Variants in ITSN2 observed in about 807,000 individuals in gnomAD.
ITSN2 encodes the protein intersectin-2.
A neutral mutation model predicts 243.7 loss-of-function variants in ITSN2; 156 were observed. The ratio of observed to expected loss-of-function variants is 0.64; its 90% CI spans 0.56 to 0.73. The LOEUF is 0.73. Among genes scored for constraint, ITSN2 ranks in the 30% least tolerant of loss-of-function variants. The pLI, the probability that ITSN2 is intolerant of heterozygous loss-of-function variation, is 0.00. For missense variants in ITSN2, 1,801 were observed against 1,996.1 expected, an observed-to-expected ratio of 0.90 and a Z score of 1.86; for synonymous variants, 703 against 699.9, an observed-to-expected ratio of 1.00 and a Z score of -0.07.
At chr2:24,297,380 C>T (rs1681103784) in intron 13 of ITSN2, among the ~76,000 whole-genome samples, 1 of 152,074 alleles carries the variant, frequency 6.6e-6, no homozygotes, top group African/African-American at 2.4e-5. Flanking sequence ...TACCTTCTCA[C>T]CACACATTTC....
chr2:24,206,182 C>A (rs1031633205), intron 37 of ITSN2: 2 of 365,858 alleles, frequency 5.5e-6, no homozygotes, highest in Non-Finnish European at 1.1e-5. Context: ...GATTTTTCAA[C>A]AGCAAGCTTT....
chr2:24,335,763 C>A (rs886276065), intron 1 of ITSN2, among the ~76,000 whole-genome samples: 1 of 151,856 alleles, frequency 6.6e-6, no homozygotes, highest in African/African-American at 2.4e-5. Flanking sequence ...CTCAGCCTCC[C>A]GAGTAGCTGG....
chr2:24,334,599 A>G lies in ITSN2; in HGVS notation c.-33-6484T>C, dbSNP rs557584514. ...CAAAGTGACACAGTACAAGAAGGGC[A>G]AGAATTCTCTGTATGCCCAGGGAAA... On this transcript the variant is annotated intron_variant, in intron 1 of 39. Transcript: ENST00000355123. 35 of 1,062,326 alleles carry G rather than the reference A, an allele frequency of 3.3e-5. No homozygotes were observed. In the East Asian group the frequency reaches 8.6e-4, roughly 26 times the overall value. 65.8% of individuals were successfully genotyped at this position (1,062,326 alleles called of 1,614,324 possible).
intron 17 of ITSN2, among the ~76,000 whole-genome samples, chr2:24,276,585 C>G (rs1678040862): frequency 6.6e-6 from 1 of 152,190 alleles, no homozygotes; most frequent in African/African-American, 2.4e-5. Context: ...TCAGCATTTT[C>G]TCTTCCTCTT....
intron 8 of ITSN2, among the ~76,000 whole-genome samples, chr2:24,306,645 C>A (rs1574247188): frequency 1.3e-5 from 2 of 152,210 alleles, no homozygotes; most frequent in South Asian, 4.1e-4. Context: ...ATGTCTTTTT[C>A]ATCAACTTTT....
chr2:24,254,070 T>C lies in ITSN2; in HGVS notation c.2953+297A>G, dbSNP rs764646675. Among the ~76,000 whole-genome samples, 58 of 152,222 alleles carry C rather than the reference T, an allele frequency of 3.8e-4. 1 individual carries two copies. The highest frequency in any genetic ancestry group is 1.5e-4 in the Non-Finnish European group (10 of 68,042). On this transcript the variant is annotated intron_variant, in intron 24 of 39. Coordinates refer to ENST00000355123, the MANE Select transcript of ITSN2 (RefSeq NM_006277.3). ...GAAATTTCCTTACCTCCTAAACATC[T>C]ATAATCAATAATTGCAACACTTTTT...
intron 35 of ITSN2, among the ~76,000 whole-genome samples, chr2:24,209,529 C>T (rs1016819387): frequency 7.2e-5 from 11 of 152,316 alleles, no homozygotes; most frequent in South Asian, 4.1e-4. Flanking sequence ...TGCTGGGGCT[C>T]GGCTTACAGA....
chr2:24,305,292 G>T (rs1249665563), intron 8 of ITSN2, among the ~76,000 whole-genome samples: 2 of 151,994 alleles, frequency 1.3e-5, no homozygotes, highest in Non-Finnish European at 2.9e-5. Context: ...GAGGAGAAGA[G>T]AAGTAAAAAA....
rs996399378 is a variant in ITSN2 at position 24,224,274 on chromosome 2, A to G, written c.3578-3208T>C. 3.3e-5 allele frequency among the ~76,000 whole-genome samples: 5 copies of G among 152,172 alleles called. No homozygotes were observed. The South Asian group carries it at 8.3e-4, about 25-fold the overall frequency. On this transcript the variant is annotated intron_variant, in intron 29 of 39. Transcript: ENST00000355123. ...CCACATTCCATCTCTATTATTATTT[A>G]CTTAATATTTTTCTCTAAACGTACT...
At chr2:24,219,879 T>C in intron 30 of ITSN2, among the ~76,000 whole-genome samples, 1 of 152,118 alleles carries the variant, frequency 6.6e-6, no homozygotes, top group Non-Finnish European at 1.5e-5. Context: ...GGTGCAGACA[T>C]AAACACACCC....
intron 27 of ITSN2, among the ~76,000 whole-genome samples, chr2:24,248,111 C>G (rs565460186): frequency 6.6e-6 from 1 of 151,972 alleles, no homozygotes; most frequent in Non-Finnish European, 1.5e-5. Flanking sequence ...AGAGAAGAAC[C>G]CTTTTCCTGT....
intron 36 of ITSN2, among the ~76,000 whole-genome samples, chr2:24,208,729 G>GA (rs1048439045): frequency 2.6e-5 from 4 of 152,232 alleles, no homozygotes; most frequent in Admixed American, 2.6e-4. Context: ...CCTGAGGGGC[G>GA]AAAGTCTGCA....
chr2:24,262,934 TGA>T (rs1435053511), intron 20 of ITSN2, among the ~76,000 whole-genome samples: 1 of 152,192 alleles, frequency 6.6e-6, no homozygotes, highest in Non-Finnish European at 1.5e-5. Context: ...TCCAAACTAC[TGA>T]ATTTGTCATT....
intron 29 of ITSN2, among the ~76,000 whole-genome samples, chr2:24,237,856 T>C (rs376069112): frequency 6.6e-6 from 1 of 152,180 alleles, no homozygotes; most frequent in Non-Finnish European, 1.5e-5. Context: ...CTGGAAACTA[T>C]AGATTTTTCA....
At chr2:24,299,876 A>T (rs748059079) in intron 12 of ITSN2, 33 bp downstream of exon 12, 1 of 1,521,354 alleles carries the variant, frequency 6.6e-7, no homozygotes, top group South Asian at 1.2e-5. Context: ...AAATGTAATG[A>T]TTTTCTTAAG....
chr2:24,336,635 C>T (rs193098514), intron 1 of ITSN2, among the ~76,000 whole-genome samples: 49 of 152,266 alleles, frequency 3.2e-4, no homozygotes, highest in Non-Finnish European at 2.9e-4. Context: ...TCTTTGATTC[C>T]CAATTCAAAT....
At chr2:24,343,739 A>G (rs1158057107) in intron 1 of ITSN2, among the ~76,000 whole-genome samples, 2 of 152,222 alleles carry the variant, frequency 1.3e-5, no homozygotes, top group East Asian at 3.8e-4. Context: ...GTTTAGAGAC[A>G]CAACCCTCTA....
chr2:24,264,942 AC>A (rs1025602643), intron 20 of ITSN2, among the ~76,000 whole-genome samples: 16 of 151,882 alleles, frequency 1.1e-4, no homozygotes, highest in African/African-American at 3.6e-4. Flanking sequence ...AAAAAAAAAA[AC>A]AAAGCCTGCT....
intron 15 of ITSN2, among the ~76,000 whole-genome samples, chr2:24,288,412 T>G (rs140680374): frequency 6.6e-6 from 1 of 152,140 alleles, no homozygotes; most frequent in African/African-American, 2.4e-5. Flanking sequence ...ATATATTGTA[T>G]GCATGTTGTT....
Sources: gnomAD v4.1 joint callset for allele counts (sites outside exome capture counted in the v4.1 genomes callset) on GRCh38, gnomAD v4.1.1 for gene constraint, MANE v1.5 for transcripts, NCBI Gene and HGNC (gene_info 2026-07-23, HGNC 2026-07-21) for gene names.